The following STOML3 variants were observed in gnomAD, a reference collection of about 807,000 sequenced individuals.
STOML3 encodes the protein stomatin like 3, also known as stomatin-like protein 3.
STOML3 carries 31 observed loss-of-function variants against 29.5 expected under a neutral mutation model. The ratio of observed to expected loss-of-function variants is 1.05; its 90% CI spans 0.79 to 1.42. STOML3 has a LOEUF of 1.42. STOML3 is among the 40% of genes most tolerant of loss of function. The probability of loss-of-function intolerance (pLI) is 0.00; values close to 1 mark genes in which losing one functional copy is unlikely to be tolerated. For missense variants in STOML3, 380 were observed against 363.0 expected, an observed-to-expected ratio of 1.05 and a Z score of -0.38; for synonymous variants, 122 against 139.8, an observed-to-expected ratio of 0.87 and a Z score of 0.90.
intron 3 of STOML3, among the ~76,000 whole-genome samples, chr13:38,975,340 C>G (rs3923129): frequency 0.27 from 40,563 of 148,058 alleles, 5,700 homozygotes; most frequent in African/African-American, 0.34. Context: ...AAAAGAAAAA[C>G]AAAAAAAAGA....
At position 38,971,916 on chromosome 13, in the gene STOML3, ACT is replaced by A. The variant is rs980539296; in HGVS notation, c.312+594_312+595del. On this transcript the variant is annotated intron_variant, in intron 4 of 6. Coordinates refer to ENST00000379631, the MANE Select transcript of STOML3 (RefSeq NM_145286.3). ...CTCCAGCCTGGGCGACAAGAGTGAAACTCTGTCTCAAAAGAAAAAAACAAACA... is the reference window on the plus strand; with the variant it reads ...CTCCAGCCTGGGCGACAAGAGTGAAACTGTCTCAAAAGAAAAAAACAAACA... 3.7e-4 allele frequency among the ~76,000 whole-genome samples: 56 copies of A among 152,184 alleles called. 2 individuals are homozygous for A. In the Middle Eastern group the frequency reaches 0.027, roughly 74 times the overall value.
chr13:38,968,264 TTC>T lies in STOML3; in HGVS notation c.651+134_651+135del. ...TGGTTACCTTTTAATTCAGGGAAAA[TTC>T]TCAGTAAAACTGTGAAAAGAAACCC... On this transcript the variant is annotated intron_variant, in intron 6 of 6. Transcript: ENST00000379631. 11 of 1,307,720 alleles carry T rather than the reference TTC, an allele frequency of 8.4e-6. No individual in the cohort carries two copies. The South Asian group carries it at 1.6e-4, about 19-fold the overall frequency. 81.0% of individuals were successfully genotyped at this position (1,307,720 alleles called of 1,614,324 possible).
At chr13:38,980,621 TG>T (rs1881239528) in intron 1 of STOML3, among the ~76,000 whole-genome samples, 1 of 152,174 alleles carries the variant, frequency 6.6e-6, no homozygotes. Context: ...AATCCACAAA[TG>T]TGTGTATTCT....
At chr13:38,990,522 A>C in intron 1 of STOML3, 148 bp downstream of exon 1, 3 of 619,172 alleles carry the variant, frequency 4.8e-6, no homozygotes, top group Admixed American at 6.4e-5. Flanking sequence ...AGCATAAGCA[A>C]TGAATTCAAA....
At chr13:38,971,341 A>C (rs1880859585) in intron 4 of STOML3, among the ~76,000 whole-genome samples, 1 of 152,150 alleles carries the variant, frequency 6.6e-6, no homozygotes, top group Non-Finnish European at 1.5e-5. Flanking sequence ...CCTGGGGCTG[A>C]ATTCAAAAGT....
intron 1 of STOML3, among the ~76,000 whole-genome samples, chr13:38,979,169 T>C (rs2138018292): frequency 6.6e-6 from 1 of 152,370 alleles, no homozygotes; most frequent in African/African-American, 2.4e-5. Flanking sequence ...CTGAATACTC[T>C]GAAATTTAAA....
intron 3 of STOML3, among the ~76,000 whole-genome samples, chr13:38,975,291 A>C (rs942708979): frequency 6.6e-6 from 1 of 151,264 alleles, no homozygotes; most frequent in East Asian, 1.9e-4. Context: ...ACTGCACTCC[A>C]GCCTGGGCGA....
chr13:38,971,931 A>G (rs1014993354), intron 4 of STOML3, among the ~76,000 whole-genome samples: 44 of 152,206 alleles, frequency 2.9e-4, no homozygotes, highest in African/African-American at 1.0e-3. Flanking sequence ...GTCTCAAAAG[A>G]AAAAAACAAA....
intron 1 of STOML3, among the ~76,000 whole-genome samples, chr13:38,987,711 A>G (rs1247360433): frequency 7.5e-6 from 1 of 133,582 alleles, no homozygotes; most frequent in Non-Finnish European, 1.5e-5. Flanking sequence ...TATATATTAT[A>G]TATATTAATT....
chr13:38,980,116 T>C, intron 1 of STOML3: 1 of 1,551,564 alleles, frequency 6.4e-7, no homozygotes, highest in Non-Finnish European at 8.7e-7. Context: ...GAGGCTCAGC[T>C]CCATTAGGTA....
intron 3 of STOML3, among the ~76,000 whole-genome samples, chr13:38,975,532 A>G (rs1263848880): frequency 1.3e-5 from 2 of 152,158 alleles, no homozygotes; most frequent in African/African-American, 4.8e-5. Flanking sequence ...CAAATAAGCC[A>G]TAATGGGGGC....
chr13:38,984,167 T>C (rs568852041), intron 1 of STOML3, among the ~76,000 whole-genome samples: 1 of 152,178 alleles, frequency 6.6e-6, no homozygotes. Context: ...GGACTTTTGA[T>C]GGTCTTTCAG....
intron 1 of STOML3, among the ~76,000 whole-genome samples, chr13:38,985,757 A>G (rs1868488120): frequency 6.6e-6 from 1 of 151,924 alleles, no homozygotes; most frequent in Non-Finnish European, 1.5e-5. Context: ...TAATTATGGT[A>G]TGATGTTAGA....
chr13:38,968,313 C>A, intron 6 of STOML3, 87 bp downstream of exon 6: 1 of 1,517,438 alleles, frequency 6.6e-7, no homozygotes. Flanking sequence ...AAATAATTGA[C>A]AGACCCAATC....
At position 38,976,739 on chromosome 13, in the gene STOML3, C is replaced by A. The variant is rs1345303726; in HGVS notation, c.111G>T (p.Leu37=). 6.2e-7 allele frequency: 1 copy of A among 1,614,000 alleles called. No homozygotes were observed. The highest frequency in any genetic ancestry group is 2.2e-5 in the East Asian group (1 of 44,868). ...AGATGGGGAAGGTAATGATCACCAA[C>A]AGGAAAGAGAGGGAAAACAGGATCC... ...CGWILFSLSF[L]LVIITFPISI... Residue 37 remains leucine (L), a synonymous_variant, in exon 2 of 7, where the codon CTG becomes CTT. Transcript: ENST00000379631.
chr13:38,990,463 G>T (rs369707861), intron 1 of STOML3, among the ~76,000 whole-genome samples: 1 of 151,398 alleles, frequency 6.6e-6, no homozygotes, highest in Admixed American at 6.6e-5. Flanking sequence ...TAAAATTGAA[G>T]GAAAAATAAA....
intron 3 of STOML3, 82 bp downstream of exon 3, chr13:38,976,458 C>T: frequency 6.6e-7 from 1 of 1,516,534 alleles, no homozygotes. Context: ...TCAATAGGCA[C>T]CACCAGGAAA....
chr13:38,966,758 A>G lies in STOML3; in HGVS notation c.*67T>C. On this transcript the variant is annotated 3_prime_UTR_variant, in exon 7 of 7. Transcript: ENST00000379631. ...CAGTGTTGGAATTCTCACCGTTTCT[A>G]ACTACTGGCTTCTCCATAGGAATAG... 1 of 1,325,194 alleles carries G rather than the reference A, an allele frequency of 7.5e-7. No individual in the cohort carries two copies. Among genetic ancestry groups the G allele is most frequent in the African/African-American group, 1.5e-5 (1 of 68,538 alleles). The allele number at this position is 1,325,194 out of a possible 1,614,324, so 82.1% of individuals were successfully genotyped here. A position where few individuals can be genotyped will look rare whatever the true frequency, so the allele number is the denominator to read the frequency against.
intron 3 of STOML3, among the ~76,000 whole-genome samples, chr13:38,974,098 T>C (rs1480511229): frequency 6.6e-6 from 1 of 152,162 alleles, no homozygotes; most frequent in Non-Finnish European, 1.5e-5. Context: ...CAGGGAAGGA[T>C]GGGCATAAGA....
Sources: gnomAD v4.1 joint callset for allele counts (sites outside exome capture counted in the v4.1 genomes callset) on GRCh38, gnomAD v4.1.1 for gene constraint, MANE v1.5 for transcripts, NCBI Gene and HGNC (gene_info 2026-07-23, HGNC 2026-07-21) for gene names.